Variants in SKAP1 observed in about 807,000 individuals in gnomAD.
SKAP1 encodes src kinase-associated phosphoprotein 1.
Under a neutral mutation model 58.5 loss-of-function variants are expected in SKAP1, and 44 were observed. The observed-to-expected ratio is 0.75, with a 90% CI of 0.59 to 0.97. SKAP1 has a LOEUF of 0.97. Among genes scored for constraint, SKAP1 ranks in the 50% least tolerant of loss-of-function variants. The pLI, the probability that SKAP1 is intolerant of heterozygous loss-of-function variation, is 0.00. For synonymous variants in SKAP1, 127 were observed against 149.7 expected, an observed-to-expected ratio of 0.85 and a Z score of 1.11; for missense variants, 390 against 435.2, an observed-to-expected ratio of 0.90 and a Z score of 0.92.
At chr17:48,266,714 G>A (rs1409191509) in intron 4 of SKAP1, among the ~76,000 whole-genome samples, 2 of 151,918 alleles carry the variant, frequency 1.3e-5, no homozygotes, top group Non-Finnish European at 2.9e-5. Context: ...GTTTCACTGT[G>A]TTGGCCAGGA....
At chr17:48,407,543 G>A (rs1329156903) in intron 1 of SKAP1, among the ~76,000 whole-genome samples, 2 of 152,060 alleles carry the variant, frequency 1.3e-5, no homozygotes, top group Non-Finnish European at 2.9e-5. Flanking sequence ...AACTTAGTGG[G>A]TAAAAATCAT....
chr17:48,440,013 T>C, the SKAP1 span, among the ~76,000 whole-genome samples: 1 of 152,240 alleles, frequency 6.6e-6, no homozygotes, highest in South Asian at 2.1e-4. Context: ...CTCTTATCTC[T>C]GGGACGAAGC....
At chr17:48,224,636 T>C (rs2065046631) in intron 4 of SKAP1, among the ~76,000 whole-genome samples, 1 of 152,238 alleles carries the variant, frequency 6.6e-6, no homozygotes, top group South Asian at 2.1e-4. Context: ...CTATGCCTAG[T>C]TAATGGATAG....
the SKAP1 span, among the ~76,000 whole-genome samples, chr17:48,443,838 T>C: frequency 2.0e-5 from 3 of 152,018 alleles, no homozygotes; most frequent in Non-Finnish European, 2.9e-5. Flanking sequence ...AAAGTTATCA[T>C]AGTATCTAGA....
At chr17:48,231,131 A>G (rs1207030700) in intron 4 of SKAP1, among the ~76,000 whole-genome samples, 1 of 152,166 alleles carries the variant, frequency 6.6e-6, no homozygotes, top group African/African-American at 2.4e-5. Context: ...TGGTTTACAA[A>G]TCAGCTGCAT....
At chr17:48,362,603 G>A (rs974720081) in intron 3 of SKAP1, among the ~76,000 whole-genome samples, 1 of 152,198 alleles carries the variant, frequency 6.6e-6, no homozygotes, top group African/African-American at 2.4e-5. Context: ...GAGATATGTA[G>A]TAACAGCACA....
At chr17:48,164,443 G>A (rs569503849) in intron 10 of SKAP1, among the ~76,000 whole-genome samples, 1 of 152,294 alleles carries the variant, frequency 6.6e-6, no homozygotes, top group South Asian at 2.1e-4. Flanking sequence ...GTTCCCTACT[G>A]TGTGCCTGGA....
chr17:48,146,910 T>C (rs950407196), intron 11 of SKAP1, among the ~76,000 whole-genome samples: 1 of 152,194 alleles, frequency 6.6e-6, no homozygotes, highest in African/African-American at 2.4e-5. Context: ...ATTACAGGCG[T>C]GAGCCACTGC....
chr17:48,168,494 T>C (rs960834267), intron 10 of SKAP1, among the ~76,000 whole-genome samples: 1 of 152,082 alleles, frequency 6.6e-6, no homozygotes, highest in Non-Finnish European at 1.5e-5. Flanking sequence ...CTGTCTCTAC[T>C]AAAAGTACAA....
chr17:48,194,720 C>T (rs534691183), intron 4 of SKAP1, among the ~76,000 whole-genome samples: 3 of 152,296 alleles, frequency 2.0e-5, no homozygotes, highest in East Asian at 3.9e-4. Flanking sequence ...TTGTTCAAAT[C>T]GTCCCCCTGT....
intron 4 of SKAP1, among the ~76,000 whole-genome samples, chr17:48,273,699 C>T (rs962852168): frequency 3.0e-4 from 46 of 152,010 alleles, no homozygotes; most frequent in African/African-American, 1.1e-3. Flanking sequence ...GATTACAGGG[C>T]TAAGCCACCG....
Position 48,180,162 on chromosome 17 carries a change from A to T in SKAP1, c.718T>A (p.Ser240Thr). The change falls in exon 9 of 13, where the codon TCC (serine) becomes ACC (threonine). Residue 240 changes from serine to threonine, a missense_variant. Coordinates refer to ENST00000336915, the MANE Select transcript of SKAP1 (RefSeq NM_003726.4). The stretch of plus-strand genomic sequence containing the variant: ...CTGCACTGGGAACCACAACTTGGGG[A>T]GTCAAAACCATCAATATCATCATAT... ...ETYDDIDGFD[S>T]PSCGSQCRPT... is the part of the protein sequence containing the mutation. 1 of 1,613,892 alleles carries T rather than the reference A, an allele frequency of 6.2e-7. No homozygotes were observed. Among genetic ancestry groups the T allele is most frequent in the Non-Finnish European group, 8.5e-7 (1 of 1,179,888 alleles).
intron 9 of SKAP1, among the ~76,000 whole-genome samples, chr17:48,177,523 C>T (rs2064307203): frequency 6.6e-6 from 1 of 152,102 alleles, no homozygotes; most frequent in South Asian, 2.1e-4. Context: ...GCAAATCCAT[C>T]CTGATTTAGA....
intron 3 of SKAP1, among the ~76,000 whole-genome samples, chr17:48,346,623 TA>T (rs113152631): frequency 5.4e-4 from 78 of 144,114 alleles, no homozygotes; most frequent in Admixed American, 6.9e-4. Flanking sequence ...AGACTCCATC[TA>T]AAAAAAAAAA....
At chr17:48,404,228 G>A (rs1387889268) in intron 1 of SKAP1, among the ~76,000 whole-genome samples, 3 of 151,794 alleles carry the variant, frequency 2.0e-5, no homozygotes, top group Non-Finnish European at 2.9e-5. Context: ...CGAGGCGGGC[G>A]GATCACCTGA....
intron 4 of SKAP1, chr17:48,231,925 C>CA (rs2143784054): frequency 6.6e-6 from 1 of 152,314 alleles, no homozygotes; most frequent in African/African-American, 2.4e-5. Context: ...AACAAAGGCA[C>CA]ACGTTACTGA....
At chr17:48,255,885 T>A (rs1399707780) in intron 4 of SKAP1, among the ~76,000 whole-genome samples, 1 of 152,094 alleles carries the variant, frequency 6.6e-6, no homozygotes, top group Non-Finnish European at 1.5e-5. Context: ...TATTTCTCAA[T>A]GAAATAAATT....
At chr17:48,172,753 T>C (rs1356032181) in intron 9 of SKAP1, among the ~76,000 whole-genome samples, 1 of 152,230 alleles carries the variant, frequency 6.6e-6, no homozygotes, top group Non-Finnish European at 1.5e-5. Context: ...GTAATGTTTA[T>C]AGGGCAATAT....
At chr17:48,261,070 T>C (rs1016643097) in intron 4 of SKAP1, among the ~76,000 whole-genome samples, 4 of 152,224 alleles carry the variant, frequency 2.6e-5, no homozygotes, top group African/African-American at 9.6e-5. Flanking sequence ...TATCACATTT[T>C]AGAATTAGAA....
Sources: gnomAD v4.1 joint callset for allele counts (sites outside exome capture counted in the v4.1 genomes callset) on GRCh38, gnomAD v4.1.1 for gene constraint, MANE v1.5 for transcripts, NCBI Gene and HGNC (gene_info 2026-07-23, HGNC 2026-07-21) for gene names.